Variants in ANKRD22 observed in about 807,000 individuals in gnomAD.
ANKRD22 encodes the protein ankyrin repeat domain-containing protein 22.
In ANKRD22, 24 loss-of-function variants were observed where a neutral mutation model predicts 25.7. The observed-to-expected ratio is 0.93, with a 90% CI of 0.68 to 1.31. The LOEUF (loss-of-function observed/expected upper bound fraction) is 1.31. Ranked by LOEUF, ANKRD22 falls within the 50% of genes most tolerant of loss-of-function variation. The pLI, the probability that ANKRD22 is intolerant of heterozygous loss-of-function variation, is 0.00. For synonymous variants in ANKRD22, 84 were observed against 84.3 expected (o/e 1.00, Z 0.02); for missense variants, 214 against 227.1 (o/e 0.94, Z 0.37).
chr10:88,851,074 C>G (rs1026399351), intron 1 of ANKRD22, among the ~76,000 whole-genome samples: 19 of 152,104 alleles, frequency 1.2e-4, no homozygotes, highest in African/African-American at 3.9e-4. Context: ...AGAAAATAAT[C>G]AAATCATCAA....
chr10:88,848,418 T>A (rs1215197767), intron 1 of ANKRD22, among the ~76,000 whole-genome samples: 1 of 152,052 alleles, frequency 6.6e-6, no homozygotes, highest in Non-Finnish European at 1.5e-5. Context: ...TAAAATTACT[T>A]TCAATATACA....
chr10:88,821,412 C>T lies in ANKRD22; in HGVS notation c.*1529G>A, dbSNP rs973929732. On this transcript the variant is annotated 3_prime_UTR_variant, in exon 6 of 6. Coordinates refer to ENST00000371930, the MANE Select transcript of ANKRD22 (RefSeq NM_144590.3). ...CACTTTTACACAATTTCAAAGATGA[C>T]AGTTGTAAATTACATTGGTACTATT... Among the ~76,000 whole-genome samples, 1 of 152,146 alleles carries T rather than the reference C, an allele frequency of 6.6e-6. No individual in the cohort carries two copies. Among genetic ancestry groups the T allele is most frequent in the Non-Finnish European group, 1.5e-5 (1 of 68,028 alleles).
intron 1 of ANKRD22, among the ~76,000 whole-genome samples, chr10:88,841,021 A>G (rs1295953428): frequency 6.6e-6 from 1 of 152,176 alleles, no homozygotes; most frequent in African/African-American, 2.4e-5. Context: ...AAGGGGAAAT[A>G]GAAGCAGGGC....
chr10:88,849,986 C>T (rs565052399), intron 1 of ANKRD22, among the ~76,000 whole-genome samples: 7 of 151,694 alleles, frequency 4.6e-5, no homozygotes, highest in East Asian at 3.9e-4. Context: ...AGGAGCTTCC[C>T]GCACTCAAAT....
At position 88,820,121 on chromosome 10, in the gene ANKRD22, T is replaced by G; in HGVS notation, c.*2820A>C. ...CAGAGTTGTGTGGCTCTAACACCCA[T>G]GTACCCTTCACCACAACAGATGGCA... On this transcript the variant is annotated 3_prime_UTR_variant, in exon 6 of 6. Transcript: ENST00000371930. The G allele has an allele frequency of 1.2e-6, 1 of 851,792 alleles. No homozygotes were observed. The highest frequency in any genetic ancestry group is 1.8e-6 in the Non-Finnish European group (1 of 559,502). 52.8% of individuals were successfully genotyped at this position (851,792 alleles called of 1,614,324 possible).
chr10:88,838,338 G>A (rs1237998404), intron 1 of ANKRD22, among the ~76,000 whole-genome samples: 2 of 152,086 alleles, frequency 1.3e-5, no homozygotes, highest in Non-Finnish European at 2.9e-5. Flanking sequence ...AGAAATGAGA[G>A]GAGAGTGGTT....
chr10:88,831,455 A>C (rs1276091385), intron 2 of ANKRD22, among the ~76,000 whole-genome samples: 1 of 152,176 alleles, frequency 6.6e-6, no homozygotes. Flanking sequence ...AAATCTAACT[A>C]ATGAAACAGC....
intron 1 of ANKRD22, among the ~76,000 whole-genome samples, chr10:88,838,153 G>A (rs1170166442): frequency 1.3e-5 from 2 of 152,146 alleles, no homozygotes; most frequent in African/African-American, 2.4e-5. Context: ...TACATGAAAT[G>A]AATAAAAATA....
At chr10:88,846,357 GT>G (rs1459929335) in intron 1 of ANKRD22, among the ~76,000 whole-genome samples, 2 of 152,090 alleles carry the variant, frequency 1.3e-5, no homozygotes, top group Non-Finnish European at 2.9e-5. Flanking sequence ...TTACGAAAAT[GT>G]TTTATATTTA....
intron 1 of ANKRD22, among the ~76,000 whole-genome samples, chr10:88,846,471 CT>C (rs1457461812): frequency 6.6e-6 from 1 of 152,144 alleles, no homozygotes; most frequent in Non-Finnish European, 1.5e-5. Context: ...AGAATTTTAG[CT>C]GAAGAATAAG....
intron 2 of ANKRD22, among the ~76,000 whole-genome samples, chr10:88,830,852 ATATC>A (rs1403313400): frequency 2.6e-5 from 4 of 152,224 alleles, no homozygotes; most frequent in African/African-American, 9.6e-5. Context: ...GCAACTCCAC[ATATC>A]TGGTTTCACA....
At chr10:88,826,220 TATGC>T (rs1843854937) in intron 3 of ANKRD22, 105 bp from the exon 4 acceptor site, 6 of 880,312 alleles carry the variant, frequency 6.8e-6, no homozygotes, top group Middle Eastern at 5.8e-4. Flanking sequence ...CCAACACTCC[TATGC>T]ATGCATGCAC....
rs150757503 is a variant in ANKRD22 at position 88,825,770 on chromosome 10, G to A, written c.399+268C>T. Reference sequence around the variant, plus strand: ...CTATTATGGCTGGTATTTTGTTATCGGAGCCTTAGTTTTCCTTAACGTCTC... The same window carrying A: ...CTATTATGGCTGGTATTTTGTTATCAGAGCCTTAGTTTTCCTTAACGTCTC... On this transcript the variant is annotated intron_variant, in intron 4 of 5. Coordinates refer to ENST00000371930, the MANE Select transcript of ANKRD22 (RefSeq NM_144590.3). 5.4e-3 allele frequency among the ~76,000 whole-genome samples: 822 copies of A among 152,134 alleles called. 5 individuals are homozygous for A. Among genetic ancestry groups the A allele is most frequent in the African/African-American group, 0.018 (761 of 41,492 alleles).
chr10:88,825,143 A>G (rs1564602211), intron 4 of ANKRD22, among the ~76,000 whole-genome samples: 1 of 152,176 alleles, frequency 6.6e-6, no homozygotes, highest in Non-Finnish European at 1.5e-5. Flanking sequence ...TCATAAAACA[A>G]TGGTAATACA....
intron 1 of ANKRD22, among the ~76,000 whole-genome samples, chr10:88,835,272 C>T (rs1261795470): frequency 1.3e-5 from 2 of 152,138 alleles, no homozygotes; most frequent in African/African-American, 4.8e-5. Context: ...AATACTAACC[C>T]TATCTTTAGT....
intron 2 of ANKRD22, 53 bp from the exon 3 acceptor site, chr10:88,828,719 T>C (rs1166378908): frequency 1.5e-6 from 2 of 1,328,934 alleles, no homozygotes; most frequent in Non-Finnish European, 2.1e-6. Flanking sequence ...ATTCAAAATT[T>C]ATTCAGATGG....
At position 88,821,943 on chromosome 10, in the gene ANKRD22, A is replaced by C. The variant is rs1843800435; in HGVS notation, c.*998T>G. Among the ~76,000 whole-genome samples, 1 of 152,254 alleles carries C rather than the reference A, an allele frequency of 6.6e-6. No homozygotes were observed. Among genetic ancestry groups the C allele is most frequent in the Admixed American group, 6.5e-5 (1 of 15,284 alleles). On this transcript the variant is annotated 3_prime_UTR_variant, in exon 6 of 6. Transcript: ENST00000371930. ...TAATCCAGATCCTACCTCATTGTAT[A>C]GCTCTGTTTCTTTTGAAGAACTTTA...
chr10:88,851,525 A>C, intron 1 of ANKRD22, 62 bp downstream of exon 1: 1 of 1,579,178 alleles, frequency 6.3e-7, no homozygotes, highest in South Asian at 1.1e-5. Context: ...AGAAAATTGC[A>C]TCTGAAAAGC....
At chr10:88,838,046 T>TGAATGGATTAATGA (rs1843970263) in intron 1 of ANKRD22, among the ~76,000 whole-genome samples, 1 of 152,142 alleles carries the variant, frequency 6.6e-6, no homozygotes, top group South Asian at 2.1e-4. Flanking sequence ...TTTAAAAAGA[T>TGAATGGATTAATGA]GAATGGATTA....
Sources: allele counts gnomAD v4.1 joint callset (sites outside exome capture counted in the v4.1 genomes callset), GRCh38; gene constraint gnomAD v4.1.1; transcripts MANE v1.5; gene names NCBI Gene and HGNC (gene_info 2026-07-23, HGNC 2026-07-21).